Variants in FOXO3 observed in about 807,000 individuals in gnomAD.
FOXO3 encodes the protein forkhead box O3, also known as forkhead box protein O3.
A neutral mutation model predicts 41.9 loss-of-function variants in FOXO3; 4 were observed. The ratio of observed to expected loss-of-function variants is 0.10; its 90% CI spans 0.05 to 0.22. The LOEUF (loss-of-function observed/expected upper bound fraction) is 0.22, where lower values mean the gene tolerates loss of function less well. FOXO3 is among the 10% of genes least tolerant of loss of function. The probability of loss-of-function intolerance (pLI) is 1.00; values close to 1 mark genes in which losing one functional copy is unlikely to be tolerated. For missense variants in FOXO3, 534 were observed against 906.8 expected, an observed-to-expected ratio of 0.59 and a Z score of 5.28; for synonymous variants, 318 against 389.3, an observed-to-expected ratio of 0.82 and a Z score of 2.16.
chr6:108,608,868 A>C (rs1262961303), intron 1 of FOXO3, among the ~76,000 whole-genome samples: 1 of 152,220 alleles, frequency 6.6e-6, no homozygotes, highest in Non-Finnish European at 1.5e-5. Context: ...CAGAGTCCAG[A>C]AAACGGGCCC....
chr6:108,567,571 T>C (rs1453721192), intron 1 of FOXO3, among the ~76,000 whole-genome samples: 1 of 152,164 alleles, frequency 6.6e-6, no homozygotes, highest in Non-Finnish European at 1.5e-5. Context: ...GCTAGGACTA[T>C]GTGAGTGACT....
chr6:108,663,362 A>G (rs1778928081), intron 1 of FOXO3, 93 bp from the exon 2 acceptor site: 4 of 1,498,084 alleles, frequency 2.7e-6, no homozygotes, highest in Non-Finnish European at 2.7e-6. Flanking sequence ...AATAAAATAA[A>G]AAATGAATGA....
chr6:108,668,907 A>G (rs942688872), intron 2 of FOXO3, among the ~76,000 whole-genome samples: 1 of 152,158 alleles, frequency 6.6e-6, no homozygotes, highest in African/African-American at 2.4e-5. Flanking sequence ...CGGGTGGATC[A>G]TGAGGTCAGG....
Position 108,588,473 on chromosome 6 carries a change from A to T in FOXO3, c.621+26644A>T, listed in dbSNP as rs1370623111. Among the ~76,000 whole-genome samples the T allele has an allele frequency of 1.3e-5, 2 of 152,168 alleles. 1 individual carries two copies. Among genetic ancestry groups the T allele is most frequent in the East Asian group, 3.8e-4 (2 of 5,200 alleles). ...AATGTTATACTATTTCAGAAATTCA[A>T]CTGTAGTTATAAAATTATAAAGAAT... On this transcript the variant is annotated intron_variant, in intron 1 of 2. Transcript: ENST00000406360.
At chr6:108,562,031 T>C (rs1775812568) in intron 1 of FOXO3, among the ~76,000 whole-genome samples, 1 of 151,042 alleles carries the variant, frequency 6.6e-6, no homozygotes, top group Non-Finnish European at 1.5e-5. Context: ...TGAATGAGGC[T>C]CCCCAGAAGC....
At chr6:108,581,119 C>A (rs906753749) in intron 1 of FOXO3, among the ~76,000 whole-genome samples, 1 of 152,214 alleles carries the variant, frequency 6.6e-6, no homozygotes, top group Non-Finnish European at 1.5e-5. Flanking sequence ...TGTTGAACAG[C>A]GACATCGTGC....
At chr6:108,635,683 G>A (rs1478084428) in intron 1 of FOXO3, among the ~76,000 whole-genome samples, 3 of 152,174 alleles carry the variant, frequency 2.0e-5, no homozygotes, top group Non-Finnish European at 4.4e-5. Flanking sequence ...CCTTGCAGCA[G>A]GGGTGGCGAA....
chr6:108,599,256 T>G (rs1180731357), intron 1 of FOXO3, among the ~76,000 whole-genome samples: 1 of 152,344 alleles, frequency 6.6e-6, no homozygotes, highest in East Asian at 1.9e-4. Context: ...ATAGGCTAAT[T>G]TATTAAAATT....
At position 108,561,012 on chromosome 6, in the gene FOXO3, C is replaced by G. The variant is rs1302220715; in HGVS notation, c.-197C>G. ...AGGACTGGGAGGTGGCGGCAGCGGG[C>G]GAGGACTCGCCGAGGACGGGGCTCC... is the stretch of plus-strand genomic sequence containing the variant. On this transcript the variant is annotated 5_prime_UTR_variant, in exon 1 of 3. Transcript: ENST00000406360. 7.3e-6 allele frequency: 10 copies of G among 1,373,768 alleles called. No homozygotes were observed. Among genetic ancestry groups the G allele is most frequent in the Non-Finnish European group, 9.3e-6 (10 of 1,076,142 alleles). The allele number at this position is 1,373,768 out of a possible 1,614,324, so 85.1% of individuals were successfully genotyped here. A position where few individuals can be genotyped will look rare whatever the true frequency, so the allele number is the denominator to read the frequency against.
chr6:108,627,832 C>G (rs557014281), intron 1 of FOXO3, among the ~76,000 whole-genome samples: 1 of 152,276 alleles, frequency 6.6e-6, no homozygotes, highest in East Asian at 1.9e-4. Flanking sequence ...TGCTTAACAG[C>G]TGTGTGACCC....
Position 108,680,751 on chromosome 6 carries a change from GAAAAAAA to G in FOXO3, c.*967_*973del, listed in dbSNP as rs34312944. The G allele has an allele frequency of 7.3e-6, 1 of 137,238 alleles. No homozygotes were observed. Among genetic ancestry groups the G allele is most frequent in the African/African-American group, 2.8e-5 (1 of 35,912 alleles). 8.5% of individuals were successfully genotyped at this position (137,238 alleles called of 1,614,324 possible). A position where few individuals can be genotyped will look rare whatever the true frequency, so the allele number is the denominator to read the frequency against. On this transcript the variant is annotated 3_prime_UTR_variant, in exon 3 of 3. Coordinates refer to ENST00000406360, the MANE Select transcript of FOXO3 (RefSeq NM_001455.4). Reference sequence around the variant, plus strand: ...GTTTAGTTTTAAGGAGAAAGAAAAGGAAAAAAAAAAAAAACAAAAAAGTCCTGTTTTG... The same window carrying G: ...GTTTAGTTTTAAGGAGAAAGAAAAGGAAAAAAACAAAAAAGTCCTGTTTTG...
At chr6:108,564,123 G>C (rs1486974484) in intron 1 of FOXO3, among the ~76,000 whole-genome samples, 2 of 152,150 alleles carry the variant, frequency 1.3e-5, no homozygotes, top group African/African-American at 4.8e-5. Context: ...AGTGTCACAT[G>C]ACAACTAATC....
At chr6:108,643,314 C>T (rs1216298853) in intron 1 of FOXO3, among the ~76,000 whole-genome samples, 1 of 152,146 alleles carries the variant, frequency 6.6e-6, no homozygotes, top group Non-Finnish European at 1.5e-5. Context: ...TTAAAACTGG[C>T]TGGAGGCAGA....
At chr6:108,665,565 A>G (rs1779026358) in intron 2 of FOXO3, among the ~76,000 whole-genome samples, 1 of 152,208 alleles carries the variant, frequency 6.6e-6, no homozygotes, top group African/African-American at 2.4e-5. Context: ...TCTCACGCCT[A>G]TAATCCCACA....
chr6:108,619,409 G>T (rs1240130336), intron 1 of FOXO3, among the ~76,000 whole-genome samples: 2 of 152,162 alleles, frequency 1.3e-5, no homozygotes, highest in Non-Finnish European at 2.9e-5. Flanking sequence ...TAAGTGCTTT[G>T]TGCCCTGCTA....
intron 1 of FOXO3, among the ~76,000 whole-genome samples, chr6:108,654,305 AAAT>A (rs1288273961): frequency 6.8e-6 from 1 of 146,008 alleles, no homozygotes; most frequent in Non-Finnish European, 1.5e-5. Context: ...CTAAAAGAAA[AAAT>A]AATAATAATT....
At chr6:108,610,942 A>G (rs909039410) in intron 1 of FOXO3, among the ~76,000 whole-genome samples, 1 of 152,226 alleles carries the variant, frequency 6.6e-6, no homozygotes, top group Non-Finnish European at 1.5e-5. Flanking sequence ...GTACAGTTGT[A>G]TAACACCACA....
At position 108,569,987 on chromosome 6, in the gene FOXO3, G is replaced by GTTTTTTTTTTTTTTTT. The variant is rs71015551; in HGVS notation, c.621+8173_621+8188dup. 4.4e-4 allele frequency among the ~76,000 whole-genome samples: 32 copies of GTTTTTTTTTTTTTTTT among 73,264 alleles called. 3 individuals are homozygous for GTTTTTTTTTTTTTTTT. The highest frequency in any genetic ancestry group is 7.2e-4 in the Non-Finnish European group (30 of 41,564). The allele number at this position is 73,264 out of a possible 152,430, so 48.1% of individuals were successfully genotyped here. A position where few individuals can be genotyped will look rare whatever the true frequency, so the allele number is the denominator to read the frequency against. Reference sequence around the variant, plus strand: ...TCCACATCATGTTTTCCCTTGCGTGGTTTTTTTTTTTTTTTTTTTTTTTTT... The same window carrying GTTTTTTTTTTTTTTTT: ...TCCACATCATGTTTTCCCTTGCGTGGTTTTTTTTTTTTTTTTTTTTTTTTTTTTTTTTTTTTTTTTT... On this transcript the variant is annotated intron_variant, in intron 1 of 2. Coordinates refer to ENST00000406360, the MANE Select transcript of FOXO3 (RefSeq NM_001455.4).
chr6:108,654,614 G>GT (rs1261033023), intron 1 of FOXO3, among the ~76,000 whole-genome samples: 2 of 152,024 alleles, frequency 1.3e-5, no homozygotes, highest in East Asian at 3.9e-4. Flanking sequence ...TTAAATGTTA[G>GT]TTTCCAAAGG....
Sources: allele counts gnomAD v4.1 joint callset (sites outside exome capture counted in the v4.1 genomes callset), GRCh38; gene constraint gnomAD v4.1.1; transcripts MANE v1.5; gene names NCBI Gene and HGNC (gene_info 2026-07-23, HGNC 2026-07-21).